Variants in TRABD2B observed in about 807,000 individuals in gnomAD.
TRABD2B encodes the protein TraB domain containing 2B, also known as metalloprotease TIKI2.
Under a neutral mutation model 40.1 loss-of-function variants are expected in TRABD2B, and 14 were observed. That is an observed-to-expected ratio of 0.35 (90% CI 0.23 to 0.55). The LOEUF (loss-of-function observed/expected upper bound fraction) is 0.55. TRABD2B is among the 20% of genes least tolerant of loss of function. TRABD2B has a pLI of 0.90. For synonymous variants in TRABD2B, 263 were observed against 277.0 expected, an observed-to-expected ratio of 0.95 and a Z score of 0.50; for missense variants, 541 against 648.6, an observed-to-expected ratio of 0.83 and a Z score of 1.80.
intron 4 of TRABD2B, among the ~76,000 whole-genome samples, chr1:47,790,116 C>A (rs1170427721): frequency 6.6e-6 from 1 of 152,102 alleles, no homozygotes; most frequent in Non-Finnish European, 1.5e-5. Flanking sequence ...AGAATATAAA[C>A]CTGTAAATTG....
chr1:47,877,113 A>G (rs1035193674), intron 2 of TRABD2B, among the ~76,000 whole-genome samples: 2 of 151,834 alleles, frequency 1.3e-5, no homozygotes, highest in Admixed American at 1.3e-4. Context: ...GCACTCAGAA[A>G]GGGACATCTG....
intron 2 of TRABD2B, among the ~76,000 whole-genome samples, chr1:47,955,923 T>A (rs1235675953): frequency 6.6e-6 from 1 of 152,170 alleles, no homozygotes; most frequent in Non-Finnish European, 1.5e-5. Flanking sequence ...CTGTACCTCC[T>A]AGGCTGCTGC....
intron 2 of TRABD2B, among the ~76,000 whole-genome samples, chr1:47,893,084 A>G (rs1451483036): frequency 6.6e-6 from 1 of 152,208 alleles, no homozygotes; most frequent in African/African-American, 2.4e-5. Flanking sequence ...GTCTATGTCC[A>G]GACGCAGTGT....
chr1:47,825,050 G>A (rs1290024755), intron 2 of TRABD2B, among the ~76,000 whole-genome samples: 2 of 152,192 alleles, frequency 1.3e-5, no homozygotes, highest in Non-Finnish European at 2.9e-5. Context: ...CTCAGAGAGA[G>A]GGGTGACTTT....
intron 2 of TRABD2B, among the ~76,000 whole-genome samples, chr1:47,872,876 C>T (rs1570174338): frequency 1.3e-5 from 2 of 152,110 alleles, no homozygotes; most frequent in East Asian, 3.9e-4. Flanking sequence ...ACAATGATGT[C>T]TCCTATCTTT....
chr1:47,850,314 G>A (rs953987500), intron 2 of TRABD2B, among the ~76,000 whole-genome samples: 1 of 152,232 alleles, frequency 6.6e-6, no homozygotes, highest in African/African-American at 2.4e-5. Flanking sequence ...TCTCATGATG[G>A]AGTAGGCTGT....
At chr1:47,965,408 C>G (rs1286935290) in intron 2 of TRABD2B, among the ~76,000 whole-genome samples, 2 of 151,828 alleles carry the variant, frequency 1.3e-5, no homozygotes, top group African/African-American at 2.4e-5. Flanking sequence ...AAAAAATCTC[C>G]TTGGGGGCCA....
intron 2 of TRABD2B, chr1:47,819,942 C>T (rs933514414): frequency 6.6e-6 from 1 of 152,124 alleles, no homozygotes; most frequent in Non-Finnish European, 1.5e-5. Flanking sequence ...AACAAATCTG[C>T]CCCACTTGCC....
At position 47,954,885 on chromosome 1, in the gene TRABD2B, T is replaced by A. The variant is rs1039559217; in HGVS notation, c.666+39149A>T. On this transcript the variant is annotated intron_variant, in intron 2 of 6. Coordinates refer to ENST00000606738, the MANE Select transcript of TRABD2B (RefSeq NM_001194986.2). Reference sequence around the variant, plus strand: ...GTCCCAACTTCTGTCATTGGTCTCCTCTCTGTCTCTGTGCTCCATCCCTCC... The same window carrying A: ...GTCCCAACTTCTGTCATTGGTCTCCACTCTGTCTCTGTGCTCCATCCCTCC... Among the ~76,000 whole-genome samples, 12 of 152,194 alleles carry A rather than the reference T, an allele frequency of 7.9e-5. No homozygotes were observed. The South Asian group carries it at 2.3e-3, about 29-fold the overall frequency.
At chr1:47,881,360 T>TA (rs577846399) in intron 2 of TRABD2B, among the ~76,000 whole-genome samples, 141 of 152,362 alleles carry the variant, frequency 9.3e-4, no homozygotes, top group Non-Finnish European at 1.4e-3. Flanking sequence ...TGTTTATGTG[T>TA]AAGCCCATTA....
At chr1:47,869,212 T>C (rs1007195613) in intron 2 of TRABD2B, among the ~76,000 whole-genome samples, 6 of 152,198 alleles carry the variant, frequency 3.9e-5, no homozygotes, top group Non-Finnish European at 7.3e-5. Flanking sequence ...TGTATACATA[T>C]ATACAAAACC....
intron 6 of TRABD2B, among the ~76,000 whole-genome samples, chr1:47,767,456 C>A (rs191973909): frequency 6.6e-6 from 1 of 152,292 alleles, no homozygotes; most frequent in Admixed American, 6.5e-5. Context: ...AGAGCCCTGC[C>A]CCTGCACCAG....
chr1:47,774,451 T>G (rs1644416115), intron 6 of TRABD2B, among the ~76,000 whole-genome samples: 1 of 152,052 alleles, frequency 6.6e-6, no homozygotes, highest in Non-Finnish European at 1.5e-5. Flanking sequence ...TGCCAAAAAG[T>G]GGAATCTGGG....
At position 47,994,435 on chromosome 1, in the gene TRABD2B, T is replaced by C. The variant is rs1205944904; in HGVS notation, c.265A>G (p.Thr89Ala). ...AGGGCCGAGATGGTGTAGGGGTCTG[T>C]AAGGTCCAGCTCAAAGTAGACACGG... ...STRVYFELDL[T>A]DPYTISALAS... Residue 89 changes from threonine to alanine, a missense_variant, in exon 2 of 7, where the codon ACA (threonine) becomes GCA (alanine). Physicochemically the swap from Thr to Ala is moderately conservative, Grantham distance 58. This residue lies in a region of TRABD2B where 369 missense variants were observed against 492.8 expected (regional missense o/e 0.75). Coordinates refer to ENST00000606738, the MANE Select transcript of TRABD2B (RefSeq NM_001194986.2). This position sits in a 1 kb window ranked among gnomAD's most constrained non-coding sequence, Gnocchi z 6.7. The C allele has an allele frequency of 6.5e-7, 1 of 1,536,134 alleles. No homozygotes were observed. The highest frequency in any genetic ancestry group is 1.2e-5 in the South Asian group (1 of 84,060).
At chr1:47,803,084 G>A (rs921678994) in intron 2 of TRABD2B, among the ~76,000 whole-genome samples, 7 of 151,782 alleles carry the variant, frequency 4.6e-5, no homozygotes, top group South Asian at 2.1e-4. Context: ...CGGCTCCCTC[G>A]TCTCCACTTG....
intron 6 of TRABD2B, among the ~76,000 whole-genome samples, chr1:47,768,449 T>C (rs906314833): frequency 2.0e-5 from 3 of 152,126 alleles, no homozygotes; most frequent in African/African-American, 7.2e-5. Context: ...TTCATGGTTC[T>C]CTCAACACAT....
chr1:47,919,069 C>T (rs1644866857), intron 2 of TRABD2B, among the ~76,000 whole-genome samples: 1 of 152,238 alleles, frequency 6.6e-6, no homozygotes, highest in African/African-American at 2.4e-5. Context: ...AAGCTGCCTA[C>T]TGTACAATCA....
At chr1:47,897,088 A>G (rs1048512755) in intron 2 of TRABD2B, among the ~76,000 whole-genome samples, 2 of 152,222 alleles carry the variant, frequency 1.3e-5, no homozygotes, top group African/African-American at 4.8e-5. Flanking sequence ...AACATGTTAG[A>G]TGACAGGAAG....
chr1:47,972,564 G>A (rs761308221), intron 2 of TRABD2B, among the ~76,000 whole-genome samples: 3 of 151,496 alleles, frequency 2.0e-5, no homozygotes, highest in Non-Finnish European at 4.4e-5. Context: ...ACTGGAAAAC[G>A]GCAGTCTTGC....
Sources: gnomAD v4.1 joint callset for allele counts (sites outside exome capture counted in the v4.1 genomes callset) on GRCh38, gnomAD v4.1.1 for gene constraint, gnomAD v4.1.1 regional missense constraint, Gnocchi (gnomAD v3.1) non-coding constraint, MANE v1.5 for transcripts, NCBI Gene and HGNC (gene_info 2026-07-23, HGNC 2026-07-21) for gene names.